Variants in PREX2 observed in about 807,000 individuals in gnomAD.
The protein encoded by PREX2 is phosphatidylinositol-3,4,5-trisphosphate dependent Rac exchange factor 2, also known as phosphatidylinositol 3,4,5-trisphosphate-dependent Rac exchanger 2 protein.
PREX2 carries 107 observed loss-of-function variants against 203.2 expected under a neutral mutation model. That is an observed-to-expected ratio of 0.53 (90% CI 0.45 to 0.62). The LOEUF is 0.62. PREX2 is among the 20% of genes least tolerant of loss of function. The pLI is 0.00. For synonymous variants in PREX2, 672 were observed against 663.6 expected, an observed-to-expected ratio of 1.01 and a Z score of -0.19; for missense variants, 1,777 against 1,955.9, an observed-to-expected ratio of 0.91 and a Z score of 1.72.
At chr8:67,960,844 T>G (rs986882551) in intron 1 of PREX2, among the ~76,000 whole-genome samples, 2 of 151,876 alleles carry the variant, frequency 1.3e-5, no homozygotes, top group Non-Finnish European at 2.9e-5. Context: ...CTTGGACATC[T>G]GAGGGTGGAT....
chr8:68,058,365 T>C (rs539727048), intron 10 of PREX2, among the ~76,000 whole-genome samples: 1 of 152,320 alleles, frequency 6.6e-6, no homozygotes, highest in African/African-American at 2.4e-5. Flanking sequence ...TCTCACTATG[T>C]GCCAGGCCCC....
intron 30 of PREX2, among the ~76,000 whole-genome samples, chr8:68,124,533 A>C (rs1810849546): frequency 1.3e-5 from 2 of 152,170 alleles, no homozygotes; most frequent in Admixed American, 6.5e-5. Context: ...AAAATACTTA[A>C]TGGGTATTAG....
At chr8:68,197,532 TA>T (rs1384174477) in intron 37 of PREX2, among the ~76,000 whole-genome samples, 3 of 151,948 alleles carry the variant, frequency 2.0e-5, no homozygotes, top group African/African-American at 7.3e-5. Flanking sequence ...CAGTCTCAGG[TA>T]TTTCCTCATA....
chr8:68,221,829 A>G (rs1195598035), intron 38 of PREX2, among the ~76,000 whole-genome samples: 1 of 152,242 alleles, frequency 6.6e-6, no homozygotes, highest in Non-Finnish European at 1.5e-5. Context: ...AAGACTATAG[A>G]CAAAAAGCAT....
intron 37 of PREX2, among the ~76,000 whole-genome samples, chr8:68,212,910 A>G (rs1031169198): frequency 6.6e-6 from 1 of 152,360 alleles, no homozygotes; most frequent in East Asian, 1.9e-4. Context: ...TTGAGAGAAT[A>G]TGCCACAGAG....
rs1423170218 is a variant in PREX2 at position 68,197,569 on chromosome 8, C to T, written c.4604+5044C>T. Among the ~76,000 whole-genome samples the T allele has an allele frequency of 6.6e-5, 10 of 152,036 alleles. No homozygotes were observed. The East Asian group carries it at 1.4e-3, about 21-fold the overall frequency. On this transcript the variant is annotated intron_variant, in intron 37 of 39. Coordinates refer to ENST00000288368, the MANE Select transcript of PREX2 (RefSeq NM_024870.4). Reference sequence around the variant, plus strand: ...GCAGTGTGAGAAGGGACTAATACAACCTCCTAAAGGCCCCATCTCTTAATA... The same window carrying T: ...GCAGTGTGAGAAGGGACTAATACAATCTCCTAAAGGCCCCATCTCTTAATA...
rs1174107286 is a variant in PREX2, at chr8:68,030,581, A to G, written c.628A>G (p.Asn210Asp). The change falls in exon 6 of 40, where the codon AAC (asparagine) becomes GAC (aspartate). Residue 210 changes from asparagine to aspartate, a missense_variant. Physicochemically the swap from Asn to Asp is conservative, Grantham distance 23. Transcript: ENST00000288368. Reference sequence around the variant, plus strand: ...CCAAGCCATGAAAGCTGTCTGTTCCAACATAAACGAGGCCAAGAGACAGAT... The same window carrying G: ...CCAAGCCATGAAAGCTGTCTGTTCCGACATAAACGAGGCCAAGAGACAGAT... ...ALQAMKAVCSNINEAKRQMEK... is the reference protein window; with the variant it reads ...ALQAMKAVCSDINEAKRQMEK... 6.2e-7 allele frequency: 1 copy of G among 1,613,722 alleles called. No individual in the cohort carries two copies. The highest frequency in any genetic ancestry group is 8.5e-7 in the Non-Finnish European group (1 of 1,179,714).
chr8:68,132,537 C>G (rs1811028336), intron 31 of PREX2, among the ~76,000 whole-genome samples: 1 of 151,944 alleles, frequency 6.6e-6, no homozygotes, highest in Non-Finnish European at 1.5e-5. Context: ...GTAGGTTTTA[C>G]AGTGAAACCG....
In PREX2 at chr8:68,108,171, C is replaced by T. The variant is rs139902157; in HGVS notation, c.2778C>T (p.Ser926=). 138 of 1,613,902 alleles carry T rather than the reference C, an allele frequency of 8.6e-5. 1 individual carries two copies. The African/African-American group carries it at 1.8e-3, about 21-fold the overall frequency. Residue 926 remains serine, a synonymous_variant, in exon 24 of 40, where the codon TCC becomes TCT. Coordinates refer to ENST00000288368, the MANE Select transcript of PREX2 (RefSeq NM_024870.4). ...PTFKQAKSKI[S]PLHSSDFCPT... is the part of the protein sequence containing the mutation. Reference sequence around the variant, plus strand: ...TTAAACAGGCCAAATCTAAAATCTCCCCACTGCACAGCAGTGATTTCTGCC... The same window carrying T: ...TTAAACAGGCCAAATCTAAAATCTCTCCACTGCACAGCAGTGATTTCTGCC...
chr8:68,030,519 G>A lies in PREX2; in HGVS notation c.566G>A (p.Arg189Gln), dbSNP rs569463208. 3.1e-6 allele frequency: 5 copies of A among 1,613,240 alleles called. No individual in the cohort carries two copies. The highest frequency in any genetic ancestry group is 2.7e-5 in the African/African-American group (2 of 74,988). Reference sequence around the variant, plus strand: ...CAGGAGTTGCTGAAGCGGACTCCACGGAAACACAGTGACTATGCAGCAGTG... The same window carrying A: ...CAGGAGTTGCTGAAGCGGACTCCACAGAAACACAGTGACTATGCAGCAGTG... Reference protein sequence around the residue: ...ILKELLKRTPRKHSDYAAVME... With the variant: ...ILKELLKRTPQKHSDYAAVME... Residue 189 changes from arginine (R) to glutamine (Q), a missense_variant, in exon 6 of 40, where the codon CGG (arginine) becomes CAG (glutamine). By Grantham distance (43) the Arg-to-Gln change is conservative (BLOSUM62 1). Transcript: ENST00000288368.
intron 37 of PREX2, among the ~76,000 whole-genome samples, chr8:68,213,382 T>C (rs925592458): frequency 6.6e-6 from 1 of 152,184 alleles, no homozygotes; most frequent in Admixed American, 6.5e-5. Flanking sequence ...TGGAAAGGGA[T>C]TCGTACAAGT....
chr8:68,215,832 C>T (rs926423315), intron 37 of PREX2, among the ~76,000 whole-genome samples: 2 of 152,246 alleles, frequency 1.3e-5, no homozygotes, highest in Non-Finnish European at 1.5e-5. Context: ...CCACCGTGCC[C>T]GGCTGAAAAC....
At chr8:68,159,755 G>GAACCAGT (rs1295034037) in intron 35 of PREX2, among the ~76,000 whole-genome samples, 1 of 152,204 alleles carries the variant, frequency 6.6e-6, no homozygotes, top group East Asian at 1.9e-4. Context: ...TTCAGTAAAA[G>GAACCAGT]AACCAGTATA....
chr8:68,008,349 G>A (rs1807161035), intron 1 of PREX2, among the ~76,000 whole-genome samples: 1 of 152,174 alleles, frequency 6.6e-6, no homozygotes, highest in South Asian at 2.1e-4. Context: ...TAGAGTATGA[G>A]TCAAATGGAA....
chr8:68,044,674 C>A, intron 8 of PREX2, 84 bp downstream of exon 8: 1 of 948,094 alleles, frequency 1.1e-6, no homozygotes, highest in Non-Finnish European at 1.7e-6. Context: ...TTGGATAATT[C>A]ACCTGCCATG....
intron 25 of PREX2, chr8:68,110,842 G>A (rs1810519721): frequency 3.4e-6 from 1 of 292,268 alleles, no homozygotes; most frequent in African/African-American, 2.3e-5. Flanking sequence ...ATTTTCTGAA[G>A]TTTTATGAGT....
In PREX2 at chr8:67,993,275, C is replaced by G. The variant is rs73683266; in HGVS notation, c.142-24571C>G. Among the ~76,000 whole-genome samples the G allele has an allele frequency of 3.0e-3, 453 of 152,218 alleles. 2 individuals are homozygous for G. Among genetic ancestry groups the G allele is most frequent in the African/African-American group, 0.01 (434 of 41,520 alleles). ...ACTGTGTCTCTTTTCCAGATAATAG[C>G]ATCCATTTGGAAATCATAAGATGAC... On this transcript the variant is annotated intron_variant, in intron 1 of 39. Coordinates refer to ENST00000288368, the MANE Select transcript of PREX2 (RefSeq NM_024870.4).
intron 1 of PREX2, among the ~76,000 whole-genome samples, chr8:67,983,826 C>T (rs910241165): frequency 9.9e-5 from 15 of 152,130 alleles, no homozygotes; most frequent in African/African-American, 3.6e-4. Context: ...GCTGTGTGAT[C>T]CTAGAAGTTC....
At position 68,055,868 on chromosome 8, in the gene PREX2, A is replaced by T; in HGVS notation, c.1132A>T (p.Ile378Phe). The change falls in exon 10 of 40, where the codon ATC (isoleucine) becomes TTC (phenylalanine). Residue 378 changes from isoleucine (I) to phenylalanine (F), a missense_variant. By Grantham distance (21) the Ile-to-Phe change is conservative (BLOSUM62 0). Transcript: ENST00000288368. ...LGMEQDTWVMISEQGEKLYKM... is the reference protein window; with the variant it reads ...LGMEQDTWVMFSEQGEKLYKM... Reference sequence around the variant, plus strand: ...AATGGAGCAAGATACCTGGGTCATGATCTCTGAACAGGGTGAGAAACTTTA... The same window carrying T: ...AATGGAGCAAGATACCTGGGTCATGTTCTCTGAACAGGGTGAGAAACTTTA... 1 of 1,613,520 alleles carries T rather than the reference A, an allele frequency of 6.2e-7. No individual in the cohort carries two copies. The highest frequency in any genetic ancestry group is 8.5e-7 in the Non-Finnish European group (1 of 1,179,712).
Sources: allele counts gnomAD v4.1 joint callset (sites outside exome capture counted in the v4.1 genomes callset), GRCh38; gene constraint gnomAD v4.1.1; transcripts MANE v1.5; gene names NCBI Gene and HGNC (gene_info 2026-07-23, HGNC 2026-07-21).